IDE: variants seen among roughly 807,000 people sequenced by gnomAD.
The protein encoded by IDE is insulin degrading enzyme.
Under a neutral mutation model 133.2 loss-of-function variants are expected in IDE, and 58 were observed. That is an observed-to-expected ratio of 0.44 (90% CI 0.35 to 0.54). The LOEUF is 0.54. Among genes scored for constraint, IDE ranks in the 20% least tolerant of loss-of-function variants. The pLI is 0.00. For synonymous variants in IDE, 396 were observed against 421.3 expected (o/e 0.94, Z 0.73); for missense variants, 981 against 1,234.0 (o/e 0.79, Z 3.07).
intron 11 of IDE, among the ~76,000 whole-genome samples, chr10:92,503,200 A>G (rs1387851239): frequency 6.6e-6 from 1 of 152,186 alleles, no homozygotes; most frequent in African/African-American, 2.4e-5. Flanking sequence ...TGTGGGGCTA[A>G]GCCGGACTGC....
Position 92,559,081 on chromosome 10 carries a change from A to T in IDE, c.98+14841T>A, listed in dbSNP as rs1043112728. ...CAAAATTCCAATGAGACACCACTTC[A>T]TACCCACCAGGATGGCTTATAACAA... is the stretch of plus-strand genomic sequence containing the variant. On this transcript the variant is annotated intron_variant, in intron 1 of 24. Transcript: ENST00000265986. The T allele has an allele frequency of 5.3e-5, 8 of 152,314 alleles. No individual in the cohort carries two copies. The East Asian group carries it at 1.2e-3, about 22-fold the overall frequency. 9.4% of individuals were successfully genotyped at this position (152,314 alleles called of 1,614,324 possible).
At chr10:92,497,475 G>A (rs749806847) in intron 11 of IDE, among the ~76,000 whole-genome samples, 10 of 152,190 alleles carry the variant, frequency 6.6e-5, no homozygotes, top group Admixed American at 1.3e-4. Flanking sequence ...TAAGGGACTT[G>A]AGCACCTTGG....
At position 92,550,575 on chromosome 10, in the gene IDE, C is replaced by T. The variant is rs1258710098; in HGVS notation, c.99-13025G>A. Among the ~76,000 whole-genome samples, 13 of 146,854 alleles carry T rather than the reference C, an allele frequency of 8.9e-5. No individual in the cohort carries two copies. In the South Asian group the frequency reaches 2.5e-3, roughly 29 times the overall value. On this transcript the variant is annotated intron_variant, in intron 1 of 24. Coordinates refer to ENST00000265986, the MANE Select transcript of IDE (RefSeq NM_004969.4). ...CTGAGACAGGAGAATGGTGTGAACCCAGGAGGCGGAGCTTGCAGTGAGCAG... is the reference window on the plus strand; with the variant it reads ...CTGAGACAGGAGAATGGTGTGAACCTAGGAGGCGGAGCTTGCAGTGAGCAG...
At chr10:92,537,596 T>A in intron 1 of IDE, 46 bp from the exon 2 acceptor site, 3 of 1,389,392 alleles carry the variant, frequency 2.2e-6, no homozygotes, top group Non-Finnish European at 2.0e-6. Context: ...ACTTTATATT[T>A]AAGGACAAAC....
chr10:92,518,189 G>C (rs919333738), intron 4 of IDE, among the ~76,000 whole-genome samples: 33 of 152,126 alleles, frequency 2.2e-4, no homozygotes, highest in Non-Finnish European at 3.5e-4. Context: ...CACAGTTCTA[G>C]AGGGAGTTTT....
chr10:92,520,277 T>C (rs1302764373), intron 4 of IDE, among the ~76,000 whole-genome samples: 2 of 152,238 alleles, frequency 1.3e-5, no homozygotes, highest in Non-Finnish European at 2.9e-5. Flanking sequence ...TTTTAACAAC[T>C]ATTTTAAATT....
chr10:92,489,989 C>T (rs1036644022), intron 12 of IDE, among the ~76,000 whole-genome samples: 2 of 152,152 alleles, frequency 1.3e-5, no homozygotes, highest in African/African-American at 4.8e-5. Flanking sequence ...ATGAATGGGA[C>T]AAAATATTGT....
intron 11 of IDE, among the ~76,000 whole-genome samples, chr10:92,497,409 T>C (rs756242296): frequency 6.6e-6 from 1 of 152,188 alleles, no homozygotes; most frequent in Non-Finnish European, 1.5e-5. Flanking sequence ...AGCTGGTAAC[T>C]ACTTAGCTGG....
chr10:92,484,989 A>G (rs2135433130), intron 13 of IDE, among the ~76,000 whole-genome samples: 2 of 152,082 alleles, frequency 1.3e-5, no homozygotes, highest in South Asian at 4.2e-4. Context: ...CCAGGAGGCC[A>G]AGGCTACAGT....
intron 1 of IDE, among the ~76,000 whole-genome samples, chr10:92,547,016 T>C (rs912668041): frequency 1.3e-5 from 2 of 152,150 alleles, no homozygotes; most frequent in Admixed American, 1.3e-4. Context: ...ATGGGCAACC[T>C]CCCACAGATG....
At chr10:92,488,943 A>T (rs1847182228) in intron 12 of IDE, among the ~76,000 whole-genome samples, 1 of 140,084 alleles carries the variant, frequency 7.1e-6, no homozygotes, top group South Asian at 2.2e-4. Context: ...AAAAAAAAAA[A>T]AAAAAAAAAA....
At chr10:92,481,746 C>CA (rs1187241237) in intron 14 of IDE, among the ~76,000 whole-genome samples, 1 of 152,154 alleles carries the variant, frequency 6.6e-6, no homozygotes, top group Non-Finnish European at 1.5e-5. Context: ...TCTAGGAAGA[C>CA]AGACCAGAGG....
At chr10:92,547,999 T>C (rs967401705) in intron 1 of IDE, among the ~76,000 whole-genome samples, 7 of 152,058 alleles carry the variant, frequency 4.6e-5, no homozygotes, top group African/African-American at 1.5e-4. Flanking sequence ...GATCCTCCCA[T>C]CTCAGCCTCC....
In IDE at chr10:92,481,910, A is replaced by G. The variant is rs548172759; in HGVS notation, c.1739+1345T>C. On this transcript the variant is annotated intron_variant, in intron 14 of 24. Transcript: ENST00000265986. ...GGAAAAGTGGTGACAAGCTGCTTAG[A>G]GTGTTAAAAATATCACTCTCAAATA... 5.9e-5 allele frequency among the ~76,000 whole-genome samples: 9 copies of G among 152,336 alleles called. No individual in the cohort carries two copies. The South Asian group carries it at 1.9e-3, about 32-fold the overall frequency.
intron 19 of IDE, among the ~76,000 whole-genome samples, chr10:92,467,823 T>C (rs1229946270): frequency 1.3e-5 from 2 of 152,248 alleles, no homozygotes; most frequent in Admixed American, 1.3e-4. Flanking sequence ...TGACTGGTCA[T>C]GCACAACAGC....
intron 22 of IDE, among the ~76,000 whole-genome samples, chr10:92,460,235 TAA>T (rs1845299098): frequency 6.6e-6 from 1 of 152,188 alleles, no homozygotes; most frequent in Non-Finnish European, 1.5e-5. Context: ...GTAAAACTTA[TAA>T]TATCTCTGAC....
chr10:92,541,571 T>C (rs1842307818), intron 1 of IDE, among the ~76,000 whole-genome samples: 1 of 152,182 alleles, frequency 6.6e-6, no homozygotes, highest in Non-Finnish European at 1.5e-5. Flanking sequence ...TTAGGAGCAA[T>C]AAAATTACTT....
chr10:92,512,995 T>C (rs1848708780), intron 5 of IDE, among the ~76,000 whole-genome samples: 1 of 152,224 alleles, frequency 6.6e-6, no homozygotes, highest in Non-Finnish European at 1.5e-5. Context: ...AACTGAAGTT[T>C]GAAAAACCTA....
At position 92,524,460 on chromosome 10, in the gene IDE, ATT is replaced by A. The variant is rs1344576080; in HGVS notation, c.661+7286_661+7287del. On this transcript the variant is annotated intron_variant, in intron 4 of 24. Transcript: ENST00000265986. ...ATATAATATATTTTATATATTATAT[ATT>A]TTATATAATATATAATATATATTAT... Among the ~76,000 whole-genome samples the A allele has an allele frequency of 4.1e-3, 269 of 65,858 alleles. 21 individuals carry two copies. Among genetic ancestry groups the A allele is most frequent in the Middle Eastern group, 5.5e-3 (1 of 182 alleles). 43.2% of individuals were successfully genotyped at this position (65,858 alleles called of 152,430 possible). A position where few individuals can be genotyped will look rare whatever the true frequency, so the allele number is the denominator to read the frequency against.
Sources: allele counts gnomAD v4.1 joint callset (sites outside exome capture counted in the v4.1 genomes callset), GRCh38; gene constraint gnomAD v4.1.1; transcripts MANE v1.5; gene names NCBI Gene and HGNC (gene_info 2026-07-23, HGNC 2026-07-21).